The following GMCL1 variants were observed in gnomAD, a reference collection of about 807,000 sequenced individuals.
GMCL1 encodes germ cell-less protein-like 1.
Under a neutral mutation model 75.5 loss-of-function variants are expected in GMCL1, and 54 were observed. That is an observed-to-expected ratio of 0.71 (90% CI 0.57 to 0.90). The LOEUF (loss-of-function observed/expected upper bound fraction) is 0.90. GMCL1 is among the 40% of genes least tolerant of loss of function. The pLI is 0.00. For synonymous variants in GMCL1, 210 were observed against 209.6 expected, an observed-to-expected ratio of 1.00 and a Z score of -0.02; for missense variants, 537 against 622.7, an observed-to-expected ratio of 0.86 and a Z score of 1.47.
In GMCL1 at chr2:69,859,742, T is replaced by TTAAAAAAAAAAAA. The variant is rs1553372489; in HGVS notation, c.1073-1536_1073-1535insTAAAAAAAAAAAA. On this transcript the variant is annotated intron_variant, in intron 9 of 13. Coordinates refer to ENST00000282570, the MANE Select transcript of GMCL1 (RefSeq NM_178439.5). ...GAGTGAGACCGTGTCTCTCTCTCTC[T>TTAAAAAAAAAAAA]AAAAAAAAAAAAAAAAGTATATATG... Among the ~76,000 whole-genome samples, 53 of 79,086 alleles carry TTAAAAAAAAAAAA rather than the reference T, an allele frequency of 6.7e-4. 2 individuals are homozygous for TTAAAAAAAAAAAA. In the Admixed American group the frequency reaches 7.2e-3, roughly 11 times the overall value. The allele number at this position is 79,086 out of a possible 152,430, so 51.9% of individuals were successfully genotyped here.
At chr2:69,838,976 C>G (rs527890828) in intron 2 of GMCL1, among the ~76,000 whole-genome samples, 1 of 152,296 alleles carries the variant, frequency 6.6e-6, no homozygotes, top group Non-Finnish European at 1.5e-5. Flanking sequence ...TGCTATCTGG[C>G]AGATACCTAA....
rs758406402 is a variant in GMCL1 at position 69,829,949 on chromosome 2, G to A, written c.57G>A (p.Gln19=). Residue 19 remains glutamine, a synonymous_variant, in exon 1 of 14, where the codon CAG becomes CAA. Transcript: ENST00000282570. ...AGCCAAGACCAGCCCTTGCCCAGCA[G>A]GCGCAGGGTGCCAGGGCGGGGGGCT... ...LRQPRPALAQ[Q]AQGARAGGSA... is the part of the protein sequence containing the mutation. 3 of 1,598,532 alleles carry A rather than the reference G, an allele frequency of 1.9e-6. No homozygotes were observed. In the African/African-American group the frequency reaches 4.0e-5, roughly 21 times the overall value.
chr2:69,831,516 C>T (rs959318153), intron 1 of GMCL1, among the ~76,000 whole-genome samples: 5 of 152,132 alleles, frequency 3.3e-5, no homozygotes, highest in Non-Finnish European at 1.5e-5. Context: ...CCTAAGCCTC[C>T]CAAAGGGCTG....
At chr2:69,860,999 C>A (rs541086982) in intron 9 of GMCL1, among the ~76,000 whole-genome samples, 1 of 152,182 alleles carries the variant, frequency 6.6e-6, no homozygotes, top group African/African-American at 2.4e-5. Flanking sequence ...CCCACCACCA[C>A]ACCCGGCTAA....
intron 1 of GMCL1, among the ~76,000 whole-genome samples, chr2:69,830,384 C>T (rs1674638310): frequency 6.6e-6 from 1 of 152,218 alleles, no homozygotes; most frequent in Non-Finnish European, 1.5e-5. Flanking sequence ...GGTGTTGTTA[C>T]AGCCCCAAGA....
intron 12 of GMCL1, among the ~76,000 whole-genome samples, chr2:69,871,126 G>A (rs1675970329): frequency 6.6e-6 from 1 of 152,074 alleles, no homozygotes; most frequent in Admixed American, 6.6e-5. Flanking sequence ...CAACCCACAT[G>A]TTCACTGACA....
Position 69,865,766 on chromosome 2 carries a change from T to G in GMCL1, c.1218+791T>G, listed in dbSNP as rs180708538. Among the ~76,000 whole-genome samples the G allele has an allele frequency of 1.6e-4, 25 of 152,262 alleles. No homozygotes were observed. In the East Asian group the frequency reaches 3.7e-3, roughly 22 times the overall value. ...AGAAATTATTTTTTCTATTTAATAC[T>G]TTTATTTTATGTTATTTGTTAGAGA... is the stretch of plus-strand genomic sequence containing the variant. On this transcript the variant is annotated intron_variant, in intron 11 of 13. Transcript: ENST00000282570.
chr2:69,864,435 G>A (rs941936772), intron 10 of GMCL1, among the ~76,000 whole-genome samples: 1 of 151,862 alleles, frequency 6.6e-6, no homozygotes, highest in Non-Finnish European at 1.5e-5. Flanking sequence ...AAATTTTACA[G>A]CCATTTTCTA....
chr2:69,840,868 CGTT>C (rs1186245719), intron 3 of GMCL1, 71 bp from the exon 4 acceptor site: 95 of 945,084 alleles, frequency 1.0e-4, no homozygotes, highest in South Asian at 1.6e-4. Context: ...TGAAGACAGT[CGTT>C]GTTGTTATTT....
At chr2:69,876,230 G>T (rs546033261) in intron 13 of GMCL1, among the ~76,000 whole-genome samples, 30 of 152,160 alleles carry the variant, frequency 2.0e-4, no homozygotes, top group Non-Finnish European at 2.9e-4. Flanking sequence ...GATTAAAAGT[G>T]ATAAGAACCT....
chr2:69,839,147 C>G (rs1255115816), intron 2 of GMCL1, among the ~76,000 whole-genome samples: 1 of 152,080 alleles, frequency 6.6e-6, no homozygotes, highest in Non-Finnish European at 1.5e-5. Context: ...AGTAAAGATT[C>G]AACAGTTTGA....
intron 9 of GMCL1, among the ~76,000 whole-genome samples, chr2:69,860,649 G>A (rs1460679168): frequency 6.6e-6 from 1 of 151,984 alleles, no homozygotes; most frequent in Non-Finnish European, 1.5e-5. Context: ...AAATTAATAT[G>A]AACTATGAAA....
In GMCL1 at chr2:69,843,177, C is replaced by A. The variant is rs763756043; in HGVS notation, c.608C>A (p.Thr203Lys). Residue 203 changes from threonine (T) to lysine (K), a missense_variant, in exon 5 of 14, where the codon ACA becomes AAA. By Grantham distance (78) the Thr-to-Lys change is moderately conservative (BLOSUM62 -1). Transcript: ENST00000282570. ...LDGLIQQCGE[T>K]MKETVNVKTV... ...GGTTTAATACAGCAGTGTGGTGAGA[C>A]AATGAAGGAAACAGTTAATGTGAAA... 6.2e-7 allele frequency: 1 copy of A among 1,610,462 alleles called. No homozygotes were observed. The highest frequency in any genetic ancestry group is 1.7e-5 in the Admixed American group (1 of 59,932).
intron 9 of GMCL1, among the ~76,000 whole-genome samples, chr2:69,860,128 A>C (rs1318225529): frequency 6.6e-6 from 1 of 152,032 alleles, no homozygotes; most frequent in African/African-American, 2.4e-5. Context: ...CAGCCTCCTG[A>C]GTAGCTGGGA....
intron 11 of GMCL1, among the ~76,000 whole-genome samples, chr2:69,867,932 C>G (rs540061168): frequency 3.9e-5 from 6 of 152,352 alleles, no homozygotes; most frequent in Admixed American, 1.3e-4. Flanking sequence ...GGCCTTGCTG[C>G]CTACTGCAAT....
intron 6 of GMCL1, 70 bp from the exon 7 acceptor site, chr2:69,847,472 CT>C: frequency 2.1e-6 from 2 of 941,068 alleles, no homozygotes; most frequent in Non-Finnish European, 1.7e-6. Context: ...AGACTTAAAG[CT>C]TTTATTTCTA....
At chr2:69,858,756 A>G (rs999383850) in intron 9 of GMCL1, among the ~76,000 whole-genome samples, 38 of 152,224 alleles carry the variant, frequency 2.5e-4, no homozygotes, top group Non-Finnish European at 4.8e-4. Context: ...GGATTAAACT[A>G]TGACAAGAGG....
rs538597966 is a variant in GMCL1 at position 69,848,966 on chromosome 2, T to G, written c.844-686T>G. The stretch of plus-strand genomic sequence containing the variant: ...AGAAGCTCCTTTTTCCCATGTTCAT[T>G]TCTTGCTTTTATAATCTCATATAGT... On this transcript the variant is annotated intron_variant, in intron 7 of 13. Coordinates refer to ENST00000282570, the MANE Select transcript of GMCL1 (RefSeq NM_178439.5). Among the ~76,000 whole-genome samples, 17 of 152,280 alleles carry G rather than the reference T, an allele frequency of 1.1e-4. No homozygotes were observed. In the South Asian group the frequency reaches 3.5e-3, roughly 32 times the overall value.
intron 13 of GMCL1, among the ~76,000 whole-genome samples, chr2:69,874,096 C>T (rs1676058029): frequency 1.3e-5 from 2 of 151,858 alleles, no homozygotes; most frequent in South Asian, 4.2e-4. Context: ...AGTTGTTTCT[C>T]ATTTTTTTTC....
Sources: allele counts gnomAD v4.1 joint callset (sites outside exome capture counted in the v4.1 genomes callset), GRCh38; gene constraint gnomAD v4.1.1; transcripts MANE v1.5; gene names NCBI Gene and HGNC (gene_info 2026-07-23, HGNC 2026-07-21).